Variants in FAM3B observed in about 807,000 individuals in gnomAD.
The protein encoded by FAM3B is protein FAM3B.
Under a neutral mutation model 28.4 loss-of-function variants are expected in FAM3B, and 29 were observed. The observed-to-expected ratio is 1.02, with a 90% CI of 0.76 to 1.39. FAM3B has a LOEUF of 1.39. Among genes scored for constraint, FAM3B ranks in the 40% most tolerant of loss-of-function variants. FAM3B has a pLI of 0.00. For missense variants in FAM3B, 266 were observed against 293.9 expected, an observed-to-expected ratio of 0.91 and a Z score of 0.69; for synonymous variants, 91 against 103.0, an observed-to-expected ratio of 0.88 and a Z score of 0.71.
Position 41,322,953 on chromosome 21 carries a change from C to T in FAM3B, c.50C>T (p.Ala17Val). ...CTCAAGGTGGTGTTCGTGGTCTTCG[C>T]CTCCTTGTGTGCCTGGTATTCGGGG... ...GLLKVVFVVF[A>V]SLCAWYSGYL... The change falls in exon 2 of 8, where the codon GCC (alanine) becomes GTC (valine). Residue 17 changes from alanine (A) to valine (V), a missense_variant. Ala to Val is a moderately conservative substitution (Grantham distance 64). Transcript: ENST00000357985. 1.9e-6 allele frequency: 3 copies of T among 1,613,680 alleles called. No individual in the cohort carries two copies. The highest frequency in any genetic ancestry group is 2.5e-6 in the Non-Finnish European group (3 of 1,180,040).
intron 2 of FAM3B, among the ~76,000 whole-genome samples, chr21:41,330,628 C>G (rs1371601961): frequency 1.3e-5 from 2 of 152,208 alleles, no homozygotes; most frequent in Admixed American, 1.3e-4. Flanking sequence ...CTCTCACCAT[C>G]CTGCTCTTTG....
At chr21:41,356,845 T>C (rs897247152) in intron 7 of FAM3B, among the ~76,000 whole-genome samples, 1 of 152,202 alleles carries the variant, frequency 6.6e-6, no homozygotes, top group South Asian at 2.1e-4. Flanking sequence ...TAATTTAAGG[T>C]GATGGATATC....
upstream of FAM3B, among the ~76,000 whole-genome samples, chr21:41,315,214 T>C (rs2088739418): frequency 6.6e-6 from 1 of 152,132 alleles, no homozygotes; most frequent in Non-Finnish European, 1.5e-5. Context: ...TGATTGCGCT[T>C]ATATGAAGTA....
intron 1 of FAM3B, among the ~76,000 whole-genome samples, chr21:41,319,066 T>A (rs372389121): frequency 1.1e-4 from 17 of 152,232 alleles, no homozygotes; most frequent in East Asian, 7.7e-4. Flanking sequence ...CTAATTTTTT[T>A]AAACTTTTTG....
intron 1 of FAM3B, among the ~76,000 whole-genome samples, chr21:41,309,698 T>G (rs2088699577): frequency 6.6e-6 from 1 of 152,224 alleles, no homozygotes; most frequent in Non-Finnish European, 1.5e-5. Context: ...GGAAACAGTT[T>G]GCAGCAGCTT....
Position 41,326,306 on chromosome 21 carries a change from C to T in FAM3B, c.163+3240C>T, listed in dbSNP as rs979711352. On this transcript the variant is annotated intron_variant, in intron 2 of 7. Coordinates refer to ENST00000357985, the MANE Select transcript of FAM3B (RefSeq NM_058186.4). This position sits in a 1 kb window ranked among gnomAD's most constrained non-coding sequence, Gnocchi z 4.0. ...TTCTTTCTTCATTCACGTGGTGACA[C>T]ATTGTGCTTCTGGGAAACGGATGGG... 4.6e-5 allele frequency among the ~76,000 whole-genome samples: 7 copies of T among 152,222 alleles called. No individual in the cohort carries two copies. Among genetic ancestry groups the T allele is most frequent in the Admixed American group, 2.0e-4 (3 of 15,294 alleles).
intron 2 of FAM3B, among the ~76,000 whole-genome samples, chr21:41,336,583 A>AT (rs911539950): frequency 5.3e-5 from 8 of 152,166 alleles, no homozygotes; most frequent in Non-Finnish European, 1.0e-4. Flanking sequence ...AGCCTAAGGT[A>AT]TTTTTTTAAA....
chr21:41,333,733 G>A (rs1306167337), intron 2 of FAM3B, among the ~76,000 whole-genome samples: 1 of 152,192 alleles, frequency 6.6e-6, no homozygotes, highest in Non-Finnish European at 1.5e-5. Flanking sequence ...ATGAAAATAA[G>A]GAAGCAGCTT....
At chr21:41,334,791 C>T (rs1384952533) in intron 2 of FAM3B, among the ~76,000 whole-genome samples, 1 of 152,222 alleles carries the variant, frequency 6.6e-6, no homozygotes, top group Non-Finnish European at 1.5e-5. Context: ...CAGATCCTGG[C>T]AGCTTGCACC....
At chr21:41,307,061 A>G (rs9976125) in intron 1 of FAM3B, among the ~76,000 whole-genome samples, 32,504 of 152,234 alleles carry the variant, frequency 0.21, 3,943 homozygotes, top group East Asian at 0.54. Context: ...TGAAAGTCCC[A>G]GATGGCACCT....
At chr21:41,340,455 G>T (rs2088995681) in intron 3 of FAM3B, among the ~76,000 whole-genome samples, 1 of 152,102 alleles carries the variant, frequency 6.6e-6, no homozygotes, top group South Asian at 2.1e-4. Context: ...CCCAGCCAAA[G>T]TTGTCCTTTT....
chr21:41,352,058 G>A (rs376184660), intron 7 of FAM3B, among the ~76,000 whole-genome samples: 3 of 152,138 alleles, frequency 2.0e-5, no homozygotes, highest in East Asian at 1.9e-4. Flanking sequence ...CATTCTCATC[G>A]CCTCCAGCAT....
intron 7 of FAM3B, among the ~76,000 whole-genome samples, chr21:41,351,800 A>G (rs1053043101): frequency 6.6e-6 from 1 of 152,230 alleles, no homozygotes. Flanking sequence ...TTAAAGTATA[A>G]GGAACTTCAA....
At chr21:41,324,643 T>C (rs564096545) in intron 2 of FAM3B, among the ~76,000 whole-genome samples, 1 of 152,344 alleles carries the variant, frequency 6.6e-6, no homozygotes, top group East Asian at 1.9e-4. Flanking sequence ...CAGGTATATT[T>C]AGTAACAGCA....
Position 41,344,489 on chromosome 21 carries a change from C to G in FAM3B, c.301C>G (p.Gln101Glu), listed in dbSNP as rs1400980685. 6.2e-7 allele frequency: 1 copy of G among 1,613,916 alleles called. No individual in the cohort carries two copies. Among genetic ancestry groups the G allele is most frequent in the Non-Finnish European group, 8.5e-7 (1 of 1,179,882 alleles). ...CFEDNLLMGE[Q>E]LGNVARGINI... ...GCTCCATTTCAGACTTATGGGAGAA[C>G]AGCTGGGAAATGTTGCCAGAGGAAT... Residue 101 changes from glutamine to glutamate, a missense_variant, in exon 4 of 8, where the codon CAG becomes GAG. Transcript: ENST00000357985.
intron 2 of FAM3B, among the ~76,000 whole-genome samples, chr21:41,331,459 G>A (rs439950): frequency 0.17 from 25,226 of 152,048 alleles, 4,076 homozygotes; most frequent in African/African-American, 0.42. Flanking sequence ...CCCTTTGCCT[G>A]TTTTTGCTTG....
intron 3 of FAM3B, among the ~76,000 whole-genome samples, chr21:41,343,265 CT>C (rs1347982473): frequency 6.6e-6 from 1 of 152,212 alleles, no homozygotes; most frequent in Admixed American, 6.5e-5. Flanking sequence ...TTAAAAGTAG[CT>C]TTTAAACGCT....
intron 3 of FAM3B, among the ~76,000 whole-genome samples, chr21:41,343,780 C>T (rs1308145926): frequency 1.3e-5 from 2 of 152,138 alleles, no homozygotes; most frequent in Non-Finnish European, 2.9e-5. Context: ...GGGCACAATC[C>T]TCTTGAATTT....
At chr21:41,356,349 A>G (rs1237457778) in intron 7 of FAM3B, among the ~76,000 whole-genome samples, 1 of 152,198 alleles carries the variant, frequency 6.6e-6, no homozygotes, top group Non-Finnish European at 1.5e-5. Flanking sequence ...TTAGCATAGC[A>G]TACCTTAAAC....
Sources: allele counts gnomAD v4.1 joint callset (sites outside exome capture counted in the v4.1 genomes callset), GRCh38; gene constraint gnomAD v4.1.1; non-coding constraint Gnocchi (gnomAD v3.1); transcripts MANE v1.5; gene names NCBI Gene and HGNC (gene_info 2026-07-23, HGNC 2026-07-21).